The following TRIM33 variants were observed in gnomAD, a reference collection of about 807,000 sequenced individuals.
TRIM33 encodes the protein tripartite motif containing 33.
Under a neutral mutation model 125.4 loss-of-function variants are expected in TRIM33, and 20 were observed. The observed-to-expected ratio is 0.16, with a 90% confidence interval of 0.11 to 0.23. The LOEUF is 0.23. Ranked by LOEUF, TRIM33 falls within the 10% of genes least tolerant of loss-of-function variation. The pLI is 1.00. For synonymous variants in TRIM33, 564 were observed against 513.9 expected (o/e 1.10, Z -1.32); for missense variants, 920 against 1,411.4 (o/e 0.65, Z 5.58).
chr1:114,475,576 G>A (rs11805015), intron 1 of TRIM33, among the ~76,000 whole-genome samples: 4,017 of 152,158 alleles, frequency 0.026, 91 homozygotes, highest in Non-Finnish European at 0.034. Flanking sequence ...CCAGCTACTC[G>A]GGAGGCTGAG....
At position 114,509,711 on chromosome 1, in the gene TRIM33, C is replaced by T. The variant is rs897920709; in HGVS notation, c.526+840G>A. Among the ~76,000 whole-genome samples, 3 of 152,278 alleles carry T rather than the reference C, an allele frequency of 2.0e-5. No individual in the cohort carries two copies. In the South Asian group the frequency reaches 6.2e-4, roughly 32 times the overall value. The stretch of plus-strand genomic sequence containing the variant: ...TGGATTTCCTTTCCTGTGAAATTTC[C>T]CTGACCTTTCCTCTATTGTGCCACA... On this transcript the variant is annotated intron_variant, in intron 1 of 19. Coordinates refer to ENST00000358465, the MANE Select transcript of TRIM33 (RefSeq NM_015906.4).
chr1:114,474,278 T>G (rs1650837882), intron 1 of TRIM33, among the ~76,000 whole-genome samples: 1 of 151,798 alleles, frequency 6.6e-6, no homozygotes, highest in African/African-American at 2.4e-5. Context: ...AGTAATTACA[T>G]AAGAGCTGGA....
chr1:114,480,638 A>G (rs1651271317), intron 1 of TRIM33, among the ~76,000 whole-genome samples: 1 of 152,104 alleles, frequency 6.6e-6, no homozygotes, highest in Non-Finnish European at 1.5e-5. Flanking sequence ...TCAGTAAAGA[A>G]GGAAAAGAAC....
intron 4 of TRIM33, among the ~76,000 whole-genome samples, chr1:114,447,898 T>C (rs1370937303): frequency 6.6e-6 from 1 of 152,130 alleles, no homozygotes. Flanking sequence ...AAAAGAGCAA[T>C]GTTGGTACAA....
chr1:114,457,555 T>C (rs1218479340), intron 4 of TRIM33, among the ~76,000 whole-genome samples: 2 of 152,222 alleles, frequency 1.3e-5, no homozygotes, highest in East Asian at 3.9e-4. Context: ...CCCTATAAAA[T>C]AGAAATAGTT....
chr1:114,437,940 G>C (rs1237790247), intron 4 of TRIM33, among the ~76,000 whole-genome samples: 2 of 152,022 alleles, frequency 1.3e-5, no homozygotes. Flanking sequence ...ATAATAAAAG[G>C]GTGTTTTTTG....
chr1:114,420,294 T>C, intron 11 of TRIM33: 1 of 637,010 alleles, frequency 1.6e-6, no homozygotes, highest in Non-Finnish European at 2.7e-6. Context: ...TCAAAGTGTC[T>C]ACTATCTTGG....
chr1:114,428,045 G>T, intron 6 of TRIM33, 151 bp from the exon 7 acceptor site: 1 of 769,456 alleles, frequency 1.3e-6, no homozygotes, highest in Non-Finnish European at 2.0e-6. Context: ...TATCATCAGA[G>T]GAAAAGCCAC....
intron 4 of TRIM33, among the ~76,000 whole-genome samples, chr1:114,438,893 C>G (rs948933159): frequency 6.6e-6 from 1 of 152,070 alleles, no homozygotes; most frequent in African/African-American, 2.4e-5. Context: ...TTATTTAAAG[C>G]TCTATATGAA....
chr1:114,406,220 T>C (rs1652235454), intron 14 of TRIM33, among the ~76,000 whole-genome samples: 1 of 152,140 alleles, frequency 6.6e-6, no homozygotes, highest in Admixed American at 6.5e-5. Flanking sequence ...ATTTTTTTTA[T>C]GGGGGTACTT....
chr1:114,423,580 A>C (rs966081772), intron 10 of TRIM33, among the ~76,000 whole-genome samples: 16 of 151,772 alleles, frequency 1.1e-4, no homozygotes, highest in African/African-American at 3.9e-4. Context: ...TTTTTTGTTA[A>C]ATAGAAACGG....
chr1:114,506,423 T>G (rs1030063728), intron 1 of TRIM33, among the ~76,000 whole-genome samples: 1 of 151,598 alleles, frequency 6.6e-6, no homozygotes, highest in African/African-American at 2.4e-5. Flanking sequence ...CAATGCAACT[T>G]AATACCAATT....
chr1:114,429,535 T>C (rs960331679), intron 6 of TRIM33, among the ~76,000 whole-genome samples: 3 of 151,998 alleles, frequency 2.0e-5, no homozygotes, highest in African/African-American at 7.3e-5. Flanking sequence ...TGGAAAGATG[T>C]ATTCCATTCA....
At chr1:114,471,026 T>C (rs1224355262) in intron 1 of TRIM33, among the ~76,000 whole-genome samples, 1 of 152,216 alleles carries the variant, frequency 6.6e-6, no homozygotes, top group Non-Finnish European at 1.5e-5. Flanking sequence ...CTCGAACTCC[T>C]GGGCCCAAGC....
chr1:114,486,179 G>C (rs924601029), intron 1 of TRIM33, among the ~76,000 whole-genome samples: 2 of 152,112 alleles, frequency 1.3e-5, no homozygotes, highest in African/African-American at 4.8e-5. Flanking sequence ...GGTAGGCTGA[G>C]GCAGGAGAAT....
intron 1 of TRIM33, among the ~76,000 whole-genome samples, chr1:114,506,120 G>A (rs879530873): frequency 5.9e-5 from 9 of 151,978 alleles, no homozygotes; most frequent in African/African-American, 1.4e-4. Flanking sequence ...GGTGCCTCAC[G>A]CCTATAATCC....
chr1:114,467,257 G>A (rs1044598983), intron 1 of TRIM33, among the ~76,000 whole-genome samples: 1 of 152,186 alleles, frequency 6.6e-6, no homozygotes, highest in Admixed American at 6.5e-5. Flanking sequence ...AGTACTAAGA[G>A]TTACAATGAG....
At chr1:114,436,819 C>T (rs578154494) in intron 4 of TRIM33, among the ~76,000 whole-genome samples, 4 of 152,216 alleles carry the variant, frequency 2.6e-5, no homozygotes, top group Admixed American at 2.0e-4. Context: ...TTTGTTCCTT[C>T]GTGAAAGAGC....
chr1:114,403,782 TC>T (rs2101090796), intron 15 of TRIM33, among the ~76,000 whole-genome samples: 1 of 152,304 alleles, frequency 6.6e-6, no homozygotes, highest in South Asian at 2.1e-4. Context: ...TACCTTGGCC[TC>T]CCAAAGTGCT....
Sources: allele counts gnomAD v4.1 joint callset (sites outside exome capture counted in the v4.1 genomes callset), GRCh38; gene constraint gnomAD v4.1.1; transcripts MANE v1.5; gene names NCBI Gene and HGNC (gene_info 2026-07-23, HGNC 2026-07-21).